Variants in FANCC observed in about 807,000 individuals in gnomAD.
The protein encoded by FANCC is FA complementation group C.
Under a neutral mutation model 71.3 loss-of-function variants are expected in FANCC, and 55 were observed. The observed-to-expected ratio is 0.77, with a 90% CI of 0.62 to 0.97. The LOEUF is 0.97. Ranked by LOEUF, FANCC falls within the 50% of genes least tolerant of loss-of-function variation. FANCC has a pLI of 0.00. For missense variants in FANCC, 678 were observed against 670.9 expected (o/e 1.01, Z -0.12); for synonymous variants, 275 against 244.9 (o/e 1.12, Z -1.15).
rs913767586 is a variant in FANCC, at chr9:95,243,600, C to T, written c.251-2857G>A. On this transcript the variant is annotated intron_variant, in intron 3 of 14. Transcript: ENST00000289081. Reference sequence around the variant, plus strand: ...GAGATCAAGACCATCCTAGCTAACACGGTGAAACCCCATCTCTACTAAAAA... The same window carrying T: ...GAGATCAAGACCATCCTAGCTAACATGGTGAAACCCCATCTCTACTAAAAA... Among the ~76,000 whole-genome samples the T allele has an allele frequency of 7.3e-5, 11 of 151,242 alleles. No individual in the cohort carries two copies. In the East Asian group the frequency reaches 1.2e-3, roughly 16 times the overall value.
chr9:95,302,474 G>C (rs1834807241), intron 1 of FANCC, among the ~76,000 whole-genome samples: 1 of 152,186 alleles, frequency 6.6e-6, no homozygotes. Context: ...TGAAGACACA[G>C]CCTGGTGGGG....
chr9:95,245,702 G>C (rs4647425), intron 3 of FANCC, among the ~76,000 whole-genome samples: 1 of 151,754 alleles, frequency 6.6e-6, no homozygotes, highest in South Asian at 2.1e-4. Context: ...TTTGAGACCA[G>C]CCTGGCCAAC....
intron 7 of FANCC, among the ~76,000 whole-genome samples, chr9:95,138,221 T>C (rs1035172356): frequency 6.6e-6 from 1 of 152,162 alleles, no homozygotes; most frequent in Non-Finnish European, 1.5e-5. Context: ...CGGCTGAGGT[T>C]GGAGTGAGTA....
intron 1 of FANCC, among the ~76,000 whole-genome samples, chr9:95,255,145 C>T (rs544882764): frequency 1.3e-5 from 2 of 152,202 alleles, no homozygotes; most frequent in Admixed American, 6.5e-5. Context: ...CAGAATTAAA[C>T]GTTCCCGCCT....
At chr9:95,172,974 T>G (rs1250118341) in intron 4 of FANCC, among the ~76,000 whole-genome samples, 1 of 152,118 alleles carries the variant, frequency 6.6e-6, no homozygotes, top group Non-Finnish European at 1.5e-5. Context: ...CAGTACAGAT[T>G]CTATATTATC....
intron 1 of FANCC, among the ~76,000 whole-genome samples, chr9:95,267,276 T>C (rs1473100954): frequency 1.3e-5 from 2 of 152,118 alleles, no homozygotes; most frequent in African/African-American, 4.8e-5. Context: ...GCTCGCAGCA[T>C]CCTTGCCTCC....
chr9:95,180,583 T>A (rs1487795070), intron 4 of FANCC, among the ~76,000 whole-genome samples: 2 of 151,982 alleles, frequency 1.3e-5, no homozygotes, highest in African/African-American at 4.8e-5. Context: ...AAGTGATCCT[T>A]CTGCCTTGGT....
At chr9:95,165,925 T>C (rs1371305703) in intron 6 of FANCC, among the ~76,000 whole-genome samples, 1 of 152,090 alleles carries the variant, frequency 6.6e-6, no homozygotes, top group Non-Finnish European at 1.5e-5. Flanking sequence ...TTCAATTCTA[T>C]TGGTATCTGC....
intron 6 of FANCC, among the ~76,000 whole-genome samples, chr9:95,157,435 A>G (rs1180614068): frequency 6.6e-6 from 1 of 152,192 alleles, no homozygotes. Context: ...ATTCTTTGCT[A>G]CAAACCATCT....
At chr9:95,276,201 A>T (rs1044665179) in intron 1 of FANCC, among the ~76,000 whole-genome samples, 6 of 152,184 alleles carry the variant, frequency 3.9e-5, no homozygotes, top group Non-Finnish European at 8.8e-5. Flanking sequence ...AGGATGAATG[A>T]ATTTTCAACG....
rs533454429 is a variant in FANCC at position 95,279,341 on chromosome 9, T to C, written c.-78-29972A>G. Among the ~76,000 whole-genome samples the C allele has an allele frequency of 9.8e-5, 14 of 143,438 alleles. No homozygotes were observed. In the South Asian group the frequency reaches 1.1e-3, roughly 11 times the overall value. 94.1% of individuals were successfully genotyped at this position (143,438 alleles called of 152,430 possible). A position where few individuals can be genotyped will look rare whatever the true frequency, so the allele number is the denominator to read the frequency against. On this transcript the variant is annotated intron_variant, in intron 1 of 14. Transcript: ENST00000289081. ...TCAAGAAAAAAAAAGAAAAAAAAAA[T>C]CAAAAATAGAAAAATTAGCCAGGTG...
chr9:95,197,162 T>C (rs1172239552), intron 4 of FANCC, among the ~76,000 whole-genome samples: 1 of 152,154 alleles, frequency 6.6e-6, no homozygotes, highest in Non-Finnish European at 1.5e-5. Flanking sequence ...ATGCCTACAA[T>C]ATTTCCACAC....
chr9:95,193,731 A>C (rs1422692116), intron 4 of FANCC, among the ~76,000 whole-genome samples: 1 of 152,190 alleles, frequency 6.6e-6, no homozygotes, highest in Non-Finnish European at 1.5e-5. Context: ...GGGTGCCCAA[A>C]TTGCAAGGGC....
intron 1 of FANCC, among the ~76,000 whole-genome samples, chr9:95,270,023 C>T (rs1832629654): frequency 6.6e-6 from 1 of 152,150 alleles, no homozygotes; most frequent in Non-Finnish European, 1.5e-5. Context: ...TGAGTTGACA[C>T]AGCACATGTT....
Position 95,256,337 on chromosome 9 carries a change from G to A in FANCC, c.-78-6968C>T, listed in dbSNP as rs554784840. 3.8e-4 allele frequency among the ~76,000 whole-genome samples: 58 copies of A among 152,286 alleles called. 1 individual carries two copies. The highest frequency in any genetic ancestry group is 9.4e-4 in the African/African-American group (39 of 41,560). On this transcript the variant is annotated intron_variant, in intron 1 of 14. Transcript: ENST00000289081. ...AAGGGAAGTCCATCAGACTAACAGC[G>A]GATCTCTCTGCAGAAACTCTACAAG...
chr9:95,258,492 C>A (rs942710925), intron 1 of FANCC, among the ~76,000 whole-genome samples: 2 of 152,168 alleles, frequency 1.3e-5, no homozygotes, highest in Non-Finnish European at 2.9e-5. Flanking sequence ...TGCAACATCC[C>A]TTCATGCTAA....
At chr9:95,151,693 T>G (rs1830175090) in intron 6 of FANCC, among the ~76,000 whole-genome samples, 1 of 152,106 alleles carries the variant, frequency 6.6e-6, no homozygotes, top group South Asian at 2.1e-4. Context: ...TTTGAAAGGC[T>G]GAGGCAGGCA....
chr9:95,209,870 G>T (rs1828382561), intron 4 of FANCC, among the ~76,000 whole-genome samples: 2 of 152,126 alleles, frequency 1.3e-5, no homozygotes, highest in Admixed American at 6.6e-5. Context: ...GCCTGCTAAA[G>T]ATTGTAACCT....
intron 4 of FANCC, among the ~76,000 whole-genome samples, chr9:95,183,412 T>C (rs1371105489): frequency 6.6e-6 from 1 of 152,200 alleles, no homozygotes; most frequent in African/African-American, 2.4e-5. Flanking sequence ...CAATAGTCAT[T>C]CAATAAAGAC....
Sources: allele counts gnomAD v4.1 joint callset (sites outside exome capture counted in the v4.1 genomes callset), GRCh38; gene constraint gnomAD v4.1.1; transcripts MANE v1.5; gene names NCBI Gene and HGNC (gene_info 2026-07-23, HGNC 2026-07-21).